TPH2: variants seen among roughly 807,000 people sequenced by gnomAD.
TPH2 encodes the protein tryptophan 5-hydroxylase 2.
In TPH2, 27 loss-of-function variants were observed where a neutral mutation model predicts 59.1. That is an observed-to-expected ratio of 0.46 (90% CI 0.34 to 0.63). The LOEUF (loss-of-function observed/expected upper bound fraction) is 0.63. TPH2 is among the 30% of genes least tolerant of loss of function. The pLI, the probability that TPH2 is intolerant of heterozygous loss-of-function variation, is 0.01. For missense variants in TPH2, 523 were observed against 588.3 expected (o/e 0.89, Z 1.15); for synonymous variants, 220 against 210.5 (o/e 1.05, Z -0.39).
At chr12:72,009,585 A>C (rs1463479772) in intron 8 of TPH2, among the ~76,000 whole-genome samples, 2 of 152,232 alleles carry the variant, frequency 1.3e-5, no homozygotes, top group South Asian at 2.1e-4. Flanking sequence ...TGCTAGTTGG[A>C]GTGCCATTTC....
At chr12:71,946,356 C>A (rs1871197481) in intron 4 of TPH2, among the ~76,000 whole-genome samples, 1 of 152,110 alleles carries the variant, frequency 6.6e-6, no homozygotes, top group Non-Finnish European at 1.5e-5. Flanking sequence ...ATTACTCAAC[C>A]TGGAGAAAGG....
chr12:72,025,199 A>AAAC (rs1164169107), intron 9 of TPH2, among the ~76,000 whole-genome samples: 4 of 152,164 alleles, frequency 2.6e-5, no homozygotes, highest in Admixed American at 2.0e-4. Context: ...TACAGTTTTG[A>AAAC]GTGCAGTTAC....
chr12:71,969,430 AT>A (rs1371849857), intron 5 of TPH2, among the ~76,000 whole-genome samples: 4 of 152,154 alleles, frequency 2.6e-5, no homozygotes, highest in Admixed American at 2.6e-4. Flanking sequence ...ACACATTCTG[AT>A]TTTCCTCATG....
intron 6 of TPH2, among the ~76,000 whole-genome samples, chr12:71,976,971 G>A (rs1303869563): frequency 6.6e-6 from 1 of 152,242 alleles, no homozygotes; most frequent in African/African-American, 2.4e-5. Context: ...CAAGGGGCAG[G>A]AGGTGGAGTA....
chr12:71,961,131 T>C (rs1871669748), intron 5 of TPH2, among the ~76,000 whole-genome samples: 1 of 152,158 alleles, frequency 6.6e-6, no homozygotes, highest in East Asian at 1.9e-4. Flanking sequence ...TGTACTGATG[T>C]GTATTGGTCA....
chr12:71,986,877 T>C (rs566510276), intron 7 of TPH2, among the ~76,000 whole-genome samples: 1 of 152,182 alleles, frequency 6.6e-6, no homozygotes, highest in Non-Finnish European at 1.5e-5. Flanking sequence ...ATTTGCATTT[T>C]TAAATTGCAA....
intron 8 of TPH2, among the ~76,000 whole-genome samples, chr12:71,997,103 T>C (rs1383220991): frequency 1.3e-5 from 2 of 152,084 alleles, no homozygotes; most frequent in Non-Finnish European, 2.9e-5. Context: ...TATGAGCCGT[T>C]TTGTTGCTTT....
intron 5 of TPH2, among the ~76,000 whole-genome samples, chr12:71,955,220 G>A (rs1056822064): frequency 3.9e-5 from 6 of 152,090 alleles, no homozygotes; most frequent in African/African-American, 1.4e-4. Flanking sequence ...AAAATTCACC[G>A]ATTCAAATCA....
intron 7 of TPH2, among the ~76,000 whole-genome samples, chr12:71,993,244 G>A (rs1250202508): frequency 6.6e-6 from 1 of 152,174 alleles, no homozygotes; most frequent in Non-Finnish European, 1.5e-5. Flanking sequence ...TGCTTCAACT[G>A]TGTGACCATC....
At chr12:71,987,052 T>C (rs988967193) in intron 7 of TPH2, among the ~76,000 whole-genome samples, 2 of 152,190 alleles carry the variant, frequency 1.3e-5, no homozygotes, top group African/African-American at 2.4e-5. Context: ...CACGTTCTGT[T>C]TGTCTGGCAT....
intron 8 of TPH2, among the ~76,000 whole-genome samples, chr12:72,018,588 C>T (rs1286914790): frequency 6.6e-6 from 1 of 152,118 alleles, no homozygotes. Flanking sequence ...GACCCAAACG[C>T]TCCTGTAGCT....
At position 71,944,660 on chromosome 12, in the gene TPH2, G is replaced by T; in HGVS notation, c.514G>T (p.Gly172Cys). The change falls in exon 4 of 11, where the codon GGT becomes TGT. Residue 172 changes from glycine to cysteine, a missense_variant. By Grantham distance (159) the Gly-to-Cys change is radical (BLOSUM62 -3). Coordinates refer to ENST00000333850, the MANE Select transcript of TPH2 (RefSeq NM_173353.4). ...ATGCTCTCACAGAGTTCTCATGTATGGTTCTGAGCTTGATGCTGACCACCC... is the reference window on the plus strand; with the variant it reads ...ATGCTCTCACAGAGTTCTCATGTATTGTTCTGAGCTTGATGCTGACCACCC... Reference protein sequence around the residue: ...DKCSHRVLMYGSELDADHPGF... With the variant: ...DKCSHRVLMYCSELDADHPGF... The T allele has an allele frequency of 1.2e-6, 2 of 1,613,892 alleles. No homozygotes were observed. The highest frequency in any genetic ancestry group is 1.7e-6 in the Non-Finnish European group (2 of 1,179,832).
At chr12:71,990,464 C>T (rs1426943673) in intron 7 of TPH2, among the ~76,000 whole-genome samples, 1 of 152,154 alleles carries the variant, frequency 6.6e-6, no homozygotes, top group African/African-American at 2.4e-5. Context: ...CCCTCTCTGC[C>T]CCAAAGAGTG....
At chr12:72,023,625 T>C (rs1406049345) in intron 9 of TPH2, among the ~76,000 whole-genome samples, 1 of 149,232 alleles carries the variant, frequency 6.7e-6, no homozygotes, top group East Asian at 2.0e-4. Flanking sequence ...AGGTCAGGAG[T>C]TCAAGATCAG....
intron 8 of TPH2, among the ~76,000 whole-genome samples, chr12:72,018,416 A>G (rs1873316230): frequency 6.6e-6 from 1 of 152,174 alleles, no homozygotes; most frequent in South Asian, 2.1e-4. Context: ...TTCCTACCTT[A>G]AACTAGGATG....
chr12:71,982,703 C>T (rs917303306), intron 7 of TPH2, among the ~76,000 whole-genome samples: 1 of 152,206 alleles, frequency 6.6e-6, no homozygotes, highest in Non-Finnish European at 1.5e-5. Context: ...AACTTCTCTA[C>T]TGTGTTTGCT....
At chr12:72,003,398 TTAA>T (rs751986627) in intron 8 of TPH2, among the ~76,000 whole-genome samples, 81 of 152,370 alleles carry the variant, frequency 5.3e-4, no homozygotes, top group Non-Finnish European at 9.8e-4. Context: ...TAATTAAAAG[TTAA>T]TAATATCTAT....
chr12:71,939,125 A>G, intron 1 of TPH2, 34 bp downstream of exon 1: 1 of 1,532,934 alleles, frequency 6.5e-7, no homozygotes, highest in Non-Finnish European at 9.0e-7. Context: ...ATGGAGAATT[A>G]TTTTTTAGGG....
intron 8 of TPH2, among the ~76,000 whole-genome samples, chr12:72,000,603 T>C (rs950804659): frequency 6.6e-6 from 1 of 152,112 alleles, no homozygotes; most frequent in African/African-American, 2.4e-5. Flanking sequence ...CATTAGACAA[T>C]AGGAGAGTAT....
Sources: gnomAD v4.1 joint callset for allele counts (sites outside exome capture counted in the v4.1 genomes callset) on GRCh38, gnomAD v4.1.1 for gene constraint, MANE v1.5 for transcripts, NCBI Gene and HGNC (gene_info 2026-07-23, HGNC 2026-07-21) for gene names.